XIRP2: variants seen among roughly 807,000 people sequenced by gnomAD.
XIRP2 encodes the protein xin actin-binding repeat-containing protein 2.
In XIRP2, 236 loss-of-function variants were observed where a neutral mutation model predicts 277.0. The observed-to-expected ratio is 0.85, with a 90% CI of 0.77 to 0.95. The LOEUF (loss-of-function observed/expected upper bound fraction) is 0.95. Among genes scored for constraint, XIRP2 ranks in the 40% least tolerant of loss-of-function variants. The probability of loss-of-function intolerance (pLI) is 0.00; values close to 1 mark genes in which losing one functional copy is unlikely to be tolerated. For missense variants in XIRP2, 4,640 were observed against 4,157.5 expected (o/e 1.12, Z -3.19); for synonymous variants, 1,490 against 1,416.5 (o/e 1.05, Z -1.17).
intron 2 of XIRP2, among the ~76,000 whole-genome samples, chr2:167,118,635 C>A (rs1289057998): frequency 6.6e-6 from 1 of 152,142 alleles, no homozygotes. Context: ...GCATTCAGAA[C>A]ACCATATTGG....
chr2:167,052,703 C>T (rs1390655386), intron 2 of XIRP2, among the ~76,000 whole-genome samples: 2 of 152,022 alleles, frequency 1.3e-5, no homozygotes, highest in Admixed American at 6.6e-5. Context: ...AAGTATAAAA[C>T]AAAGTAAACC....
rs80099540 is a variant in XIRP2 at position 166,929,131 on chromosome 2, G to A, written c.408+25241G>A. ...AAATTTGGGGCTTCCACCAAGACCC[G>A]CTGAATTGGGAACTCTGGGGAAGGG... is the stretch of plus-strand genomic sequence containing the variant. On this transcript the variant is annotated intron_variant, in intron 2 of 10. Transcript: ENST00000409195. 1.5e-3 allele frequency among the ~76,000 whole-genome samples: 228 copies of A among 151,656 alleles called. 8 individuals carry two copies. The East Asian group carries it at 0.039, about 26-fold the overall frequency.
At chr2:166,940,902 C>T (rs745882678) in intron 2 of XIRP2, among the ~76,000 whole-genome samples, 1 of 152,186 alleles carries the variant, frequency 6.6e-6, no homozygotes, top group Non-Finnish European at 1.5e-5. Context: ...CAGGGACCCA[C>T]TTGAGGAGGC....
chr2:166,937,992 G>C (rs1056910715), intron 2 of XIRP2, among the ~76,000 whole-genome samples: 16 of 151,742 alleles, frequency 1.1e-4, no homozygotes, highest in African/African-American at 3.4e-4. Context: ...CTCTTTTCTT[G>C]TTTATTAGCT....
At chr2:167,156,748 A>G (rs1401327049) in intron 3 of XIRP2, among the ~76,000 whole-genome samples, 1 of 152,212 alleles carries the variant, frequency 6.6e-6, no homozygotes, top group Non-Finnish European at 1.5e-5. Context: ...TATTTTTATG[A>G]CTTGTTGACA....
chr2:166,941,929 T>C (rs1390626583), intron 2 of XIRP2, among the ~76,000 whole-genome samples: 1 of 152,210 alleles, frequency 6.6e-6, no homozygotes, highest in African/African-American at 2.4e-5. Flanking sequence ...AAAGTTACAA[T>C]AAAGAAACAG....
chr2:167,041,800 A>G (rs1314733839), intron 2 of XIRP2, among the ~76,000 whole-genome samples: 4 of 152,108 alleles, frequency 2.6e-5, no homozygotes, highest in African/African-American at 9.7e-5. Context: ...AATTTCCCCA[A>G]CCACATTAGA....
At chr2:167,076,498 A>G (rs946370303) in intron 2 of XIRP2, among the ~76,000 whole-genome samples, 16 of 152,236 alleles carry the variant, frequency 1.1e-4, no homozygotes, top group Non-Finnish European at 2.2e-4. Flanking sequence ...AAGAAATAAT[A>G]GACAGCTGAT....
At chr2:167,230,645 T>C (rs968867823) in intron 5 of XIRP2, among the ~76,000 whole-genome samples, 14 of 152,116 alleles carry the variant, frequency 9.2e-5, no homozygotes, top group African/African-American at 3.4e-4. Context: ...TTTAAAAACT[T>C]GCATAGCATT....
In XIRP2 at chr2:167,246,802, A is replaced by G. The variant is rs1205275393; in HGVS notation, c.5410A>G (p.Ser1804Gly). 6.2e-7 allele frequency: 1 copy of G among 1,613,910 alleles called. No individual in the cohort carries two copies. The highest frequency in any genetic ancestry group is 8.5e-7 in the Non-Finnish European group (1 of 1,179,856). ...GCAGTCTCTGGTTGAACGTACTGTT[A>G]GTGAAACTGACATCATCCCTGGAGA... ...KRQSLVERTV[S>G]ETDIIPGDVH... Residue 1804 changes from serine (S) to glycine (G), a missense_variant, in exon 9 of 11, where the codon AGT (serine) becomes GGT (glycine). Physicochemically the swap from Ser to Gly is moderately conservative, Grantham distance 56. Coordinates refer to ENST00000409195, the MANE Select transcript of XIRP2 (RefSeq NM_152381.6).
chr2:167,102,594 A>G (rs1378041687), intron 2 of XIRP2, among the ~76,000 whole-genome samples: 2 of 152,192 alleles, frequency 1.3e-5, no homozygotes, highest in African/African-American at 4.8e-5. Context: ...TAAATGTACC[A>G]TTTAAAATGG....
In XIRP2 at chr2:167,058,885, AAGAT is replaced by A. The variant is rs370117136; in HGVS notation, c.409-77020_409-77017del. Among the ~76,000 whole-genome samples, 65 of 152,272 alleles carry A rather than the reference AAGAT, an allele frequency of 4.3e-4. 2 individuals carry two copies. The South Asian group carries it at 0.013, about 31-fold the overall frequency. On this transcript the variant is annotated intron_variant, in intron 2 of 10. Coordinates refer to ENST00000409195, the MANE Select transcript of XIRP2 (RefSeq NM_152381.6). ...TGTTAGTTCTAATAGGAAGAATTAA[AAGAT>A]AGAACCCAACTAGAGTAATTTATCT...
At chr2:167,200,350 C>G (rs78430257) in intron 3 of XIRP2, among the ~76,000 whole-genome samples, 11,389 of 152,218 alleles carry the variant, frequency 0.075, 496 homozygotes, top group South Asian at 0.16. Flanking sequence ...GGTCCCATAG[C>G]AAATTTTTAA....
intron 1 of XIRP2, among the ~76,000 whole-genome samples, chr2:166,901,739 A>G (rs1409821723): frequency 6.6e-6 from 1 of 152,062 alleles, no homozygotes; most frequent in East Asian, 1.9e-4. Flanking sequence ...CAGTTTTCCA[A>G]ACAGGTATTC....
At chr2:167,229,187 A>T (rs74740818) in intron 5 of XIRP2, among the ~76,000 whole-genome samples, 22 of 152,262 alleles carry the variant, frequency 1.4e-4, no homozygotes, top group Admixed American at 6.5e-4. Flanking sequence ...CTTTGATCAC[A>T]GGGAGTGTAC....
At chr2:166,948,835 G>C (rs1685951251) in intron 2 of XIRP2, among the ~76,000 whole-genome samples, 2 of 151,948 alleles carry the variant, frequency 1.3e-5, no homozygotes, top group Non-Finnish European at 2.9e-5. Context: ...CTGATTCCCA[G>C]AACATTTGAA....
intron 2 of XIRP2, among the ~76,000 whole-genome samples, chr2:167,089,162 T>G (rs1690066315): frequency 6.6e-6 from 1 of 152,120 alleles, no homozygotes. Context: ...AAGAGATGGT[T>G]GTCACAGTTC....
At chr2:167,180,670 T>G (rs1280046739) in intron 3 of XIRP2, among the ~76,000 whole-genome samples, 1 of 152,210 alleles carries the variant, frequency 6.6e-6, no homozygotes, top group African/African-American at 2.4e-5. Flanking sequence ...TTTCAGGTAT[T>G]TTGGAATAAA....
chr2:167,112,983 T>C (rs1373263084), intron 2 of XIRP2, among the ~76,000 whole-genome samples: 1 of 152,110 alleles, frequency 6.6e-6, no homozygotes, highest in Non-Finnish European at 1.5e-5. Flanking sequence ...TGTGCTGTGG[T>C]CCAAGAGTTT....
Sources: gnomAD v4.1 joint callset for allele counts (sites outside exome capture counted in the v4.1 genomes callset) on GRCh38, gnomAD v4.1.1 for gene constraint, MANE v1.5 for transcripts, NCBI Gene and HGNC (gene_info 2026-07-23, HGNC 2026-07-21) for gene names.